The following RASSF3 variants were observed in gnomAD, a reference collection of about 807,000 sequenced individuals.
RASSF3 encodes the protein Ras association domain family member 3, also known as ras association domain-containing protein 3.
RASSF3 carries 19 observed loss-of-function variants against 19.9 expected under a neutral mutation model. The observed-to-expected ratio is 0.96, with a 90% CI of 0.67 to 1.40. RASSF3 has a LOEUF of 1.40. RASSF3 is among the 40% of genes most tolerant of loss of function. The pLI is 0.00. For synonymous variants in RASSF3, 110 were observed against 104.2 expected (o/e 1.06, Z -0.34); for missense variants, 306 against 289.8 (o/e 1.06, Z -0.41).
intron 2 of RASSF3, among the ~76,000 whole-genome samples, chr12:64,548,168 A>G (rs1011544355): frequency 6.6e-6 from 1 of 151,856 alleles, no homozygotes; most frequent in African/African-American, 2.4e-5. Flanking sequence ...ATCTTTTTAA[A>G]TTTTTTATTG....
intron 2 of RASSF3, among the ~76,000 whole-genome samples, chr12:64,594,149 G>A (rs566670601): frequency 2.0e-4 from 31 of 152,022 alleles, no homozygotes; most frequent in Non-Finnish European, 3.2e-4. Context: ...CCTGGGCAAC[G>A]TAGTGAGACC....
intron 1 of RASSF3, among the ~76,000 whole-genome samples, chr12:64,624,889 G>T (rs1277893310): frequency 1.3e-5 from 2 of 150,262 alleles, no homozygotes; most frequent in East Asian, 2.0e-4. Context: ...GGATGGTCTC[G>T]ATCTCCTGAC....
chr12:64,510,632 CTCT>C (rs1250490808), intron 1 of RASSF3, among the ~76,000 whole-genome samples: 19 of 152,194 alleles, frequency 1.2e-4, no homozygotes, highest in Admixed American at 1.2e-3. Flanking sequence ...TGCAGCTCTC[CTCT>C]ATCTCCCCCT....
intron 2 of RASSF3, among the ~76,000 whole-genome samples, chr12:64,562,732 C>A (rs879615558): frequency 1.3e-5 from 2 of 151,928 alleles, no homozygotes; most frequent in Admixed American, 6.6e-5. Flanking sequence ...GTCATCCCCC[C>A]ACATCAGCCT....
At chr12:64,662,298 G>T (rs1872397112) in intron 1 of RASSF3, among the ~76,000 whole-genome samples, 1 of 151,676 alleles carries the variant, frequency 6.6e-6, no homozygotes, top group Admixed American at 6.6e-5. Flanking sequence ...GCGCTTGCCT[G>T]TAGTCCCAGC....
chr12:64,546,095 C>CA (rs34666595), downstream of RASSF3, among the ~76,000 whole-genome samples: 2,093 of 59,272 alleles, frequency 0.035, 82 homozygotes, highest in African/African-American at 0.089. Flanking sequence ...GACTCCGTCT[C>CA]AAAAAAAAAA....
chr12:64,603,171 T>TTTG (rs959702352), intron 2 of RASSF3, among the ~76,000 whole-genome samples: 1 of 151,864 alleles, frequency 6.6e-6, no homozygotes, highest in Non-Finnish European at 1.5e-5. Flanking sequence ...AACTTTTTTT[T>TTTG]TTGTTGTTGT....
chr12:64,559,301 T>C (rs1052661030), intron 2 of RASSF3, among the ~76,000 whole-genome samples: 20 of 150,682 alleles, frequency 1.3e-4, no homozygotes, highest in Admixed American at 8.7e-4. Flanking sequence ...TGGAGTGCAG[T>C]GGCGCGATCT....
intron 2 of RASSF3, among the ~76,000 whole-genome samples, chr12:64,550,140 T>C (rs1413929184): frequency 6.6e-6 from 1 of 152,142 alleles, no homozygotes; most frequent in Non-Finnish European, 1.5e-5. Flanking sequence ...TCCTGCCCTC[T>C]CTTTTCTCTT....
chr12:64,634,322 T>C (rs553986055), intron 1 of RASSF3, among the ~76,000 whole-genome samples: 123 of 152,074 alleles, frequency 8.1e-4, no homozygotes, highest in Non-Finnish European at 5.7e-4. Flanking sequence ...TTTTTTTTTT[T>C]TCCTACTTTG....
intron 2 of RASSF3, among the ~76,000 whole-genome samples, chr12:64,591,499 G>A (rs1869922592): frequency 6.6e-6 from 1 of 151,830 alleles, no homozygotes; most frequent in Non-Finnish European, 1.5e-5. Context: ...CAACCTGAGA[G>A]AGAATGATAT....
intron 2 of RASSF3, among the ~76,000 whole-genome samples, chr12:64,587,195 C>T (rs1869827825): frequency 1.3e-5 from 2 of 151,320 alleles, no homozygotes; most frequent in East Asian, 4.0e-4. Flanking sequence ...GCTGGGATTA[C>T]AGGCATGCAC....
chr12:64,560,784 G>A (rs28660489), intron 2 of RASSF3, among the ~76,000 whole-genome samples: 74,657 of 152,072 alleles, frequency 0.49, 21,034 homozygotes, highest in Non-Finnish European at 0.63. Context: ...ATACTTGTGC[G>A]GGATAAAGGA....
At chr12:64,647,713 G>A (rs1235747646) in intron 1 of RASSF3, among the ~76,000 whole-genome samples, 1 of 151,270 alleles carries the variant, frequency 6.6e-6, no homozygotes, top group African/African-American at 2.4e-5. Context: ...GCCCGGCCCC[G>A]GCCTTGTATT....
upstream of RASSF3, among the ~76,000 whole-genome samples, chr12:64,609,710 C>T (rs1412400986): frequency 6.6e-6 from 1 of 152,144 alleles, no homozygotes; most frequent in African/African-American, 2.4e-5. Flanking sequence ...TTGTGGGTGA[C>T]CGTGGAAGGC....
chr12:64,587,304 G>A (rs1869829695), intron 2 of RASSF3, among the ~76,000 whole-genome samples: 1 of 152,104 alleles, frequency 6.6e-6, no homozygotes, highest in Admixed American at 6.5e-5. Flanking sequence ...CAATCCACCT[G>A]CCTCAGCCTC....
At chr12:64,577,593 G>A (rs1869616334) in intron 2 of RASSF3, among the ~76,000 whole-genome samples, 1 of 152,026 alleles carries the variant, frequency 6.6e-6, no homozygotes, top group African/African-American at 2.4e-5. Context: ...TTAGCTGGGT[G>A]TAGTGGCAGG....
At chr12:64,637,896 A>G (rs1002540998) in intron 1 of RASSF3, among the ~76,000 whole-genome samples, 2 of 151,440 alleles carry the variant, frequency 1.3e-5, no homozygotes, top group African/African-American at 4.9e-5. Context: ...CAGTGGCACA[A>G]TCTTGGCTGA....
rs142907006 is a variant in RASSF3, at chr12:64,576,655, C to T, written c.294+34950C>T. Among the ~76,000 whole-genome samples, 373 of 152,044 alleles carry T rather than the reference C, an allele frequency of 2.5e-3. 2 individuals are homozygous for T. The highest frequency in any genetic ancestry group is 8.6e-3 in the African/African-American group (355 of 41,480). On this transcript the variant is annotated intron_variant, in intron 2 of 5. Coordinates refer to the RASSF3 transcript ENST00000637125. Reference sequence around the variant, plus strand: ...TCAGTTGAGCCCAGGAGTTTGAGACCAGCCTGGGCAATGTGGAGAACTCTT... The same window carrying T: ...TCAGTTGAGCCCAGGAGTTTGAGACTAGCCTGGGCAATGTGGAGAACTCTT...
Sources: allele counts gnomAD v4.1 joint callset (sites outside exome capture counted in the v4.1 genomes callset), GRCh38; gene constraint gnomAD v4.1.1; transcripts MANE v1.5; gene names NCBI Gene and HGNC (gene_info 2026-07-23, HGNC 2026-07-21).